The following ZNF519 variants were observed in gnomAD, a reference collection of about 807,000 sequenced individuals.
The protein encoded by ZNF519 is zinc finger protein 519, also known as similar to Zinc finger protein 85 (Zinc finger protein HPF4) (HTF1).
In ZNF519, 7 loss-of-function variants were observed where a neutral mutation model predicts 7.4. The ratio of observed to expected loss-of-function variants is 0.94; its 90% CI spans 0.54 to 1.77. ZNF519 has a LOEUF of 1.77. Among genes scored for constraint, ZNF519 ranks in the 40% most tolerant of loss-of-function variants. The pLI, the probability that ZNF519 is intolerant of heterozygous loss-of-function variation, is 0.00. For synonymous variants in ZNF519, 179 were observed against 203.3 expected (o/e 0.88, Z 1.02); for missense variants, 586 against 623.1 (o/e 0.94, Z 0.63).
chr18:14,088,838 A>G (rs2046102025), intron 2 of ZNF519, among the ~76,000 whole-genome samples: 1 of 152,186 alleles, frequency 6.6e-6, no homozygotes, highest in African/African-American at 2.4e-5. Context: ...ATACTTAAGT[A>G]TTGACATCAT....
At chr18:14,085,908 T>A (rs1423206887) in intron 2 of ZNF519, among the ~76,000 whole-genome samples, 1 of 152,196 alleles carries the variant, frequency 6.6e-6, no homozygotes. Flanking sequence ...CCTTCGATAG[T>A]GGCATCAGGC....
intron 1 of ZNF519, among the ~76,000 whole-genome samples, chr18:14,131,171 T>C (rs1184823027): frequency 2.0e-5 from 3 of 152,152 alleles, no homozygotes; most frequent in African/African-American, 7.2e-5. Context: ...ATAAGGGCGT[T>C]TGTGCTAAGG....
intron 1 of ZNF519, 71 bp downstream of exon 1, chr18:14,132,204 T>C: frequency 6.3e-7 from 1 of 1,582,318 alleles, no homozygotes; most frequent in Non-Finnish European, 8.7e-7. Context: ...CTAGGTCCCG[T>C]CACCGCCATG....
chr18:14,082,024 C>T (rs1248870752), intron 3 of ZNF519: 1 of 151,784 alleles, frequency 6.6e-6, no homozygotes, highest in Non-Finnish European at 1.5e-5. Flanking sequence ...TAACTTTAGT[C>T]CACATCAAAG....
At chr18:14,111,126 A>G (rs572479163) in intron 2 of ZNF519, among the ~76,000 whole-genome samples, 1 of 151,836 alleles carries the variant, frequency 6.6e-6, no homozygotes, top group South Asian at 2.1e-4. Context: ...TGAATTTGAA[A>G]TAAATAAAAT....
intron 2 of ZNF519, among the ~76,000 whole-genome samples, chr18:14,121,073 A>C (rs751647850): frequency 6.6e-6 from 1 of 152,108 alleles, no homozygotes; most frequent in Non-Finnish European, 1.5e-5. Flanking sequence ...AAATGAAATA[A>C]GGCAAACACA....
intron 2 of ZNF519, among the ~76,000 whole-genome samples, chr18:14,108,950 C>T (rs2046207965): frequency 6.6e-6 from 1 of 151,582 alleles, no homozygotes; most frequent in Non-Finnish European, 1.5e-5. Flanking sequence ...ACAACAACAA[C>T]AACAAAATTA....
intron 2 of ZNF519, 57 bp downstream of exon 2, chr18:14,124,289 CAAAG>C (rs2046285191): frequency 9.4e-6 from 14 of 1,491,190 alleles, no homozygotes; most frequent in Non-Finnish European, 1.3e-5. Context: ...AGACAGTCTA[CAAAG>C]AAAGAAAATA....
At chr18:14,108,233 C>T (rs938618799) in intron 2 of ZNF519, among the ~76,000 whole-genome samples, 36 of 152,100 alleles carry the variant, frequency 2.4e-4, no homozygotes, top group African/African-American at 6.8e-4. Flanking sequence ...TGGTGAAACT[C>T]GACCTTCGAG....
chr18:14,109,133 A>AAT (rs1555632519), intron 2 of ZNF519, among the ~76,000 whole-genome samples: 13 of 150,012 alleles, frequency 8.7e-5, no homozygotes, highest in African/African-American at 3.0e-4. Flanking sequence ...AAAAAAAAAA[A>AAT]AATAATAATG....
intron 2 of ZNF519, among the ~76,000 whole-genome samples, chr18:14,107,870 A>G (rs2046201622): frequency 6.6e-6 from 1 of 152,126 alleles, no homozygotes; most frequent in Admixed American, 6.5e-5. Context: ...AAAAATGGGA[A>G]GAACTGAATC....
At chr18:14,084,438 G>C (rs2046081991) in intron 3 of ZNF519, 1 of 152,176 alleles carries the variant, frequency 6.6e-6, no homozygotes, top group Non-Finnish European at 1.5e-5. Flanking sequence ...ACTCCTACAT[G>C]AGGAAAGTGA....
At chr18:14,080,650 T>G (rs971574620) in intron 3 of ZNF519, among the ~76,000 whole-genome samples, 3 of 152,140 alleles carry the variant, frequency 2.0e-5, no homozygotes, top group Admixed American at 2.0e-4. Context: ...AACATGCTCT[T>G]ACTATTTGAT....
intron 2 of ZNF519, among the ~76,000 whole-genome samples, chr18:14,109,208 G>A (rs1341458114): frequency 6.6e-6 from 1 of 152,010 alleles, no homozygotes; most frequent in Admixed American, 6.6e-5. Context: ...GGAGTACTCA[G>A]ATATATTAAG....
rs1450026233 is a variant in ZNF519 at position 14,102,615 on chromosome 18, G to A, written c.*2302C>T. 6.6e-6 allele frequency: 1 copy of A among 151,898 alleles called. No individual in the cohort carries two copies. Among genetic ancestry groups the A allele is most frequent in the Non-Finnish European group, 1.5e-5 (1 of 67,990 alleles). The allele number at this position is 151,898 out of a possible 1,614,324, so 9.4% of individuals were successfully genotyped here. A position where few individuals can be genotyped will look rare whatever the true frequency, so the allele number is the denominator to read the frequency against. On this transcript the variant is annotated 3_prime_UTR_variant, in exon 3 of 3. Transcript: ENST00000590202. ...AGAATTACAATTTTAAACTATCAAA[G>A]GAAATGGTAAGGATACAAAATGTAG...
In ZNF519 at chr18:14,102,002, A is replaced by G. The variant is rs763125753; in HGVS notation, c.*2915T>C. Reference sequence around the variant, plus strand: ...ATATTCAGGAATAAAGAGGTTTCCTACTGATTATGTTTTTTGAGAATTTTA... The same window carrying G: ...ATATTCAGGAATAAAGAGGTTTCCTGCTGATTATGTTTTTTGAGAATTTTA... On this transcript the variant is annotated 3_prime_UTR_variant, in exon 3 of 3. Transcript: ENST00000590202. The G allele has an allele frequency of 2.9e-6, 1 of 342,664 alleles. No homozygotes were observed. The highest frequency in any genetic ancestry group is 5.2e-6 in the Non-Finnish European group (1 of 192,148). The allele number at this position is 342,664 out of a possible 1,614,324, so 21.2% of individuals were successfully genotyped here.
chr18:14,083,680 C>T (rs758928779), intron 3 of ZNF519, among the ~76,000 whole-genome samples: 6 of 151,798 alleles, frequency 4.0e-5, no homozygotes, highest in Middle Eastern at 6.8e-3. Flanking sequence ...GAGCATGAGG[C>T]GGTGGATTAC....
In ZNF519 at chr18:14,104,996, G is replaced by A. The variant is rs1165558556; in HGVS notation, c.1544C>T (p.Pro515Leu). The A allele has an allele frequency of 1.3e-6, 2 of 1,597,628 alleles. No individual in the cohort carries two copies. Among genetic ancestry groups the A allele is most frequent in the Non-Finnish European group, 1.7e-6 (2 of 1,171,778 alleles). The stretch of plus-strand genomic sequence containing the variant: ...TTTGCCACATTCTTTACATTTGAAA[G>A]GTTTCTCTCCAGTATGAATTCTCTG... Reference protein sequence around the residue: ...QHQRIHTGEKPFKCKECGKAF... With the variant: ...QHQRIHTGEKLFKCKECGKAF... Residue 515 changes from proline to leucine, a missense_variant, in exon 3 of 3, where the codon CCT becomes CTT. Physicochemically the swap from Pro to Leu is moderately conservative, Grantham distance 98. Coordinates refer to ENST00000590202, the MANE Select transcript of ZNF519 (RefSeq NM_145287.4).
At chr18:14,073,650 C>G (rs1230576482), downstream of ZNF519, 1 of 152,172 alleles carries the variant, frequency 6.6e-6, no homozygotes, top group Non-Finnish European at 1.5e-5. Flanking sequence ...ATAAACCATA[C>G]AGTTATTCAT....
Sources: allele counts gnomAD v4.1 joint callset (sites outside exome capture counted in the v4.1 genomes callset), GRCh38; gene constraint gnomAD v4.1.1; transcripts MANE v1.5; gene names NCBI Gene and HGNC (gene_info 2026-07-23, HGNC 2026-07-21).